ENPP6: variants seen among roughly 807,000 people sequenced by gnomAD.
The protein encoded by ENPP6 is ectonucleotide pyrophosphatase/phosphodiesterase 6.
Under a neutral mutation model 42.0 loss-of-function variants are expected in ENPP6, and 32 were observed. That is an observed-to-expected ratio of 0.76 (90% CI 0.58 to 1.02). The LOEUF (loss-of-function observed/expected upper bound fraction) is 1.02. Ranked by LOEUF, ENPP6 falls within the 50% of genes least tolerant of loss-of-function variation. ENPP6 has a pLI of 0.00. For missense variants in ENPP6, 552 were observed against 566.8 expected, an observed-to-expected ratio of 0.97 and a Z score of 0.27; for synonymous variants, 213 against 216.0, an observed-to-expected ratio of 0.99 and a Z score of 0.12.
At chr4:184,145,110 C>G (rs895128683) in intron 2 of ENPP6, among the ~76,000 whole-genome samples, 21 of 152,238 alleles carry the variant, frequency 1.4e-4, no homozygotes, top group African/African-American at 5.1e-4. Flanking sequence ...ATGCGCTGGT[C>G]TAGCCACTGC....
intron 1 of ENPP6, among the ~76,000 whole-genome samples, chr4:184,194,318 CTG>C (rs909556883): frequency 2.0e-4 from 30 of 152,352 alleles, no homozygotes; most frequent in Admixed American, 6.5e-4. Context: ...CCTCATCTTC[CTG>C]TGTTTCTGGA....
At chr4:184,185,642 A>G (rs996340826) in intron 1 of ENPP6, among the ~76,000 whole-genome samples, 1 of 152,242 alleles carries the variant, frequency 6.6e-6, no homozygotes, top group Non-Finnish European at 1.5e-5. Context: ...ACTTGAATCT[A>G]TTCATGAAGA....
intron 6 of ENPP6, among the ~76,000 whole-genome samples, chr4:184,101,304 T>G (rs866124839): frequency 5.8e-5 from 8 of 137,184 alleles, no homozygotes; most frequent in African/African-American, 1.9e-4. Context: ...GTGTGTGAGC[T>G]TGTGTGTGTG....
At chr4:184,144,435 G>A (rs981200343) in intron 2 of ENPP6, among the ~76,000 whole-genome samples, 2 of 152,098 alleles carry the variant, frequency 1.3e-5, no homozygotes, top group African/African-American at 2.4e-5. Flanking sequence ...AGCCCCAAAC[G>A]GCAGCCCCGC....
chr4:184,191,944 G>T (rs1294454289), intron 1 of ENPP6, among the ~76,000 whole-genome samples: 1 of 152,094 alleles, frequency 6.6e-6, no homozygotes, highest in Non-Finnish European at 1.5e-5. Flanking sequence ...CCAAATGTAC[G>T]CTGAAAGCTA....
intron 5 of ENPP6, 128 bp downstream of exon 5, chr4:184,116,728 T>C: frequency 7.7e-7 from 1 of 1,302,858 alleles, no homozygotes; most frequent in Non-Finnish European, 1.1e-6. Flanking sequence ...AGTGAAACTC[T>C]GCCTCAAAAA....
chr4:184,171,304 G>A (rs1024183515), intron 1 of ENPP6, among the ~76,000 whole-genome samples: 7 of 152,256 alleles, frequency 4.6e-5, no homozygotes, highest in African/African-American at 1.2e-4. Context: ...CATCCTTACA[G>A]CATGGTGACC....
intron 1 of ENPP6, among the ~76,000 whole-genome samples, chr4:184,194,125 C>G (rs1048037678): frequency 2.6e-5 from 4 of 152,154 alleles, no homozygotes; most frequent in Non-Finnish European, 5.9e-5. Flanking sequence ...CATCATGGTC[C>G]CTCATCTACT....
intron 1 of ENPP6, among the ~76,000 whole-genome samples, chr4:184,202,508 T>A (rs1358398823): frequency 6.6e-6 from 1 of 152,084 alleles, no homozygotes; most frequent in Admixed American, 6.5e-5. Context: ...TTTGACACAC[T>A]CTATTCTCTG....
chr4:184,133,173 A>T (rs923738264), intron 2 of ENPP6, among the ~76,000 whole-genome samples: 4 of 151,984 alleles, frequency 2.6e-5, no homozygotes, highest in Non-Finnish European at 4.4e-5. Context: ...ACACACACAC[A>T]CACACACACA....
intron 2 of ENPP6, among the ~76,000 whole-genome samples, chr4:184,130,446 T>G (rs1218799211): frequency 1.0e-5 from 1 of 96,936 alleles, no homozygotes; most frequent in Non-Finnish European, 2.3e-5. Flanking sequence ...TAGTCCCAGC[T>G]ACTCGGGAGG....
intron 1 of ENPP6, among the ~76,000 whole-genome samples, chr4:184,182,078 A>G (rs1302599992): frequency 6.6e-6 from 1 of 152,148 alleles, no homozygotes; most frequent in African/African-American, 2.4e-5. Context: ...CAGACAAACT[A>G]CAGAACAAGA....
In ENPP6 at chr4:184,097,384, G is replaced by A. The variant is rs1177282985; in HGVS notation, c.994-16C>T. ...TCTCTCGATTCTGAAACCAAGCAAG[G>A]CAGACACATGACACTACGTCCTGAC... On this transcript the variant is annotated splice_polypyrimidine_tract_variant and intron_variant, in intron 6 of 7. Coordinates refer to ENST00000296741, the MANE Select transcript of ENPP6 (RefSeq NM_153343.4). The A allele has an allele frequency of 2.0e-5, 32 of 1,613,598 alleles. No homozygotes were observed. The highest frequency in any genetic ancestry group is 2.6e-5 in the Non-Finnish European group (31 of 1,179,902).
At chr4:184,152,569 C>G (rs1737073787) in intron 2 of ENPP6, among the ~76,000 whole-genome samples, 1 of 152,152 alleles carries the variant, frequency 6.6e-6, no homozygotes, top group Non-Finnish European at 1.5e-5. Flanking sequence ...CAGGATGACA[C>G]CATTGAGAAT....
intron 2 of ENPP6, among the ~76,000 whole-genome samples, chr4:184,153,213 C>T (rs546851233): frequency 6.6e-5 from 10 of 151,908 alleles, no homozygotes; most frequent in African/African-American, 2.2e-4. Flanking sequence ...ACAACCTCCG[C>T]CTCCTGGGTT....
chr4:184,132,832 CACATATATATAT>C lies in ENPP6; in HGVS notation c.422-8572_422-8561del, dbSNP rs772820045. On this transcript the variant is annotated intron_variant, in intron 2 of 7. Transcript: ENST00000296741. ...ATATACATATATACACACACACACA[CACATATATATAT>C]ATATATATATATAAAATCTCCAATT... Among the ~76,000 whole-genome samples the C allele has an allele frequency of 5.3e-3, 58 of 10,876 alleles. No homozygotes were observed. The East Asian group carries it at 0.068, about 13-fold the overall frequency. The allele number at this position is 10,876 out of a possible 152,430, so 7.1% of individuals were successfully genotyped here.
At chr4:184,097,466 TC>T in intron 6 of ENPP6, 98 bp from the exon 7 acceptor site, 1 of 1,531,866 alleles carries the variant, frequency 6.5e-7, no homozygotes, top group South Asian at 1.2e-5. Context: ...GGCGCTTTCC[TC>T]CTCTGCGCTC....
At chr4:184,178,914 C>A (rs1561002724) in intron 1 of ENPP6, among the ~76,000 whole-genome samples, 1 of 152,152 alleles carries the variant, frequency 6.6e-6, no homozygotes, top group African/African-American at 2.4e-5. Flanking sequence ...CCAGCCACTA[C>A]AAAAACAGAC....
chr4:184,131,738 AT>A (rs1439395295), intron 2 of ENPP6, among the ~76,000 whole-genome samples: 3 of 150,724 alleles, frequency 2.0e-5, no homozygotes, highest in Non-Finnish European at 4.4e-5. Flanking sequence ...AAAATTACCC[AT>A]TTTCCATTTC....
Sources: gnomAD v4.1 joint callset for allele counts (sites outside exome capture counted in the v4.1 genomes callset) on GRCh38, gnomAD v4.1.1 for gene constraint, MANE v1.5 for transcripts, NCBI Gene and HGNC (gene_info 2026-07-23, HGNC 2026-07-21) for gene names.